Variants in PRR16 observed in about 807,000 individuals in gnomAD.
The protein encoded by PRR16 is proline rich 16.
A neutral mutation model predicts 18.2 loss-of-function variants in PRR16; 6 were observed. The observed-to-expected ratio is 0.33, with a 90% confidence interval of 0.18 to 0.65. The LOEUF is 0.65. Among genes scored for constraint, PRR16 ranks in the 30% least tolerant of loss-of-function variants. The pLI, the probability that PRR16 is intolerant of heterozygous loss-of-function variation, is 0.74. For synonymous variants in PRR16, 151 were observed against 147.8 expected (o/e 1.02, Z -0.16); for missense variants, 412 against 376.6 (o/e 1.09, Z -0.78).
intron 1 of PRR16, among the ~76,000 whole-genome samples, chr5:120,667,371 G>A: frequency 6.6e-6 from 1 of 151,886 alleles, no homozygotes; most frequent in Non-Finnish European, 1.5e-5. Context: ...CTTGCTAGTG[G>A]TCTATCAATT....
rs1028946134 is a variant in PRR16 at position 120,535,475 on chromosome 5, A to C, written c.159+70830A>C. Among the ~76,000 whole-genome samples, 14 of 152,194 alleles carry C rather than the reference A, an allele frequency of 9.2e-5. No individual in the cohort carries two copies. In the East Asian group the frequency reaches 2.7e-3, roughly 29 times the overall value. ...CCATAGAATAATGACTTTCACTTAC[A>C]TATAACAACAACACACTTAACCAAG... On this transcript the variant is annotated intron_variant, in intron 1 of 1. Coordinates refer to ENST00000407149, the MANE Select transcript of PRR16 (RefSeq NM_001300783.2).
intron 1 of PRR16, among the ~76,000 whole-genome samples, chr5:120,612,883 A>C (rs189659149): frequency 1.6e-4 from 24 of 152,296 alleles, no homozygotes; most frequent in Admixed American, 1.4e-3. Context: ...GTATTAATGC[A>C]TGTATTCCCT....
chr5:120,745,685 ATTAT>A, the PRR16 span, among the ~76,000 whole-genome samples: 19 of 150,674 alleles, frequency 1.3e-4, 1 homozygote, highest in South Asian at 2.1e-3. Context: ...TATTTATTTT[ATTAT>A]TTATTTATTT....
intron 1 of PRR16, among the ~76,000 whole-genome samples, chr5:120,572,668 G>A (rs922661807): frequency 2.0e-4 from 31 of 152,222 alleles, no homozygotes; most frequent in African/African-American, 7.2e-4. Flanking sequence ...GTAGGTGGAT[G>A]AGAGATCTAC....
At chr5:120,632,009 C>T (rs1040069051) in intron 1 of PRR16, among the ~76,000 whole-genome samples, 1 of 152,176 alleles carries the variant, frequency 6.6e-6, no homozygotes, top group East Asian at 1.9e-4. Flanking sequence ...TCCACTGGAG[C>T]AGGTGCTGGT....
At chr5:120,600,370 G>T (rs534134133) in intron 1 of PRR16, among the ~76,000 whole-genome samples, 1 of 151,634 alleles carries the variant, frequency 6.6e-6, no homozygotes, top group Admixed American at 6.6e-5. Flanking sequence ...CTTTCTCAAG[G>T]TGTTTTTAGT....
At chr5:120,540,842 A>C (rs1041680276) in intron 1 of PRR16, among the ~76,000 whole-genome samples, 17 of 148,074 alleles carry the variant, frequency 1.1e-4, no homozygotes, top group Non-Finnish European at 1.5e-5. Context: ...TCTTAATATT[A>C]TATACTGCTA....
chr5:120,712,305 GT>G, the PRR16 span, among the ~76,000 whole-genome samples: 1 of 151,962 alleles, frequency 6.6e-6, no homozygotes, highest in Non-Finnish European at 1.5e-5. Context: ...ATTAACTATG[GT>G]TTTCCTATTG....
intron 1 of PRR16, among the ~76,000 whole-genome samples, chr5:120,617,477 G>A (rs1013288995): frequency 4.6e-5 from 7 of 152,014 alleles, no homozygotes; most frequent in African/African-American, 1.7e-4. Context: ...ATAAATTTCA[G>A]CAATGTTTTA....
At chr5:120,480,284 A>G (rs377401128) in intron 1 of PRR16, among the ~76,000 whole-genome samples, 82 of 152,292 alleles carry the variant, frequency 5.4e-4, no homozygotes, top group African/African-American at 1.8e-3. Context: ...AGAGTTTAAC[A>G]TCTGCTTCCT....
At chr5:120,784,808 T>A in the PRR16 span, among the ~76,000 whole-genome samples, 1 of 152,190 alleles carries the variant, frequency 6.6e-6, no homozygotes, top group Non-Finnish European at 1.5e-5. Flanking sequence ...AGAATGACAT[T>A]GAACATCTTA....
chr5:120,715,924 A>G, the PRR16 span, among the ~76,000 whole-genome samples: 1 of 152,110 alleles, frequency 6.6e-6, no homozygotes, highest in South Asian at 2.1e-4. Flanking sequence ...CTTGCTGTGC[A>G]CTAGAAAAAT....
At chr5:120,560,920 G>A (rs901632128) in intron 1 of PRR16, among the ~76,000 whole-genome samples, 1 of 151,940 alleles carries the variant, frequency 6.6e-6, no homozygotes, top group African/African-American at 2.4e-5. Flanking sequence ...GCATATAGTT[G>A]TACATAGTAG....
At chr5:120,623,914 A>AATATATATTATT (rs1754777244) in intron 1 of PRR16, among the ~76,000 whole-genome samples, 1 of 151,916 alleles carries the variant, frequency 6.6e-6, no homozygotes. Context: ...AATATATAAT[A>AATATATATTATT]ATATATTATT....
At chr5:120,754,494 G>GTAGTATA in the PRR16 span, among the ~76,000 whole-genome samples, 10 of 63,052 alleles carry the variant, frequency 1.6e-4, no homozygotes, top group African/African-American at 7.2e-4. Flanking sequence ...TATATAGTAT[G>GTAGTATA]TATTTTATTA....
At chr5:120,492,419 A>T (rs947532293) in intron 1 of PRR16, among the ~76,000 whole-genome samples, 12 of 151,976 alleles carry the variant, frequency 7.9e-5, no homozygotes, top group African/African-American at 2.9e-4. Flanking sequence ...CATTTAATTC[A>T]TATGTGGAAA....
chr5:120,761,763 T>C, the PRR16 span, among the ~76,000 whole-genome samples: 23 of 152,106 alleles, frequency 1.5e-4, no homozygotes, highest in Non-Finnish European at 1.2e-4. Context: ...ACACAATATA[T>C]TGTTGTTAAC....
chr5:120,528,097 C>T (rs1231149437), intron 1 of PRR16, among the ~76,000 whole-genome samples: 1 of 152,098 alleles, frequency 6.6e-6, no homozygotes, highest in Non-Finnish European at 1.5e-5. Flanking sequence ...TATTCTCCTG[C>T]CATGCAATGT....
At chr5:120,735,664 T>TTGG in the PRR16 span, among the ~76,000 whole-genome samples, 2 of 1,810 alleles carry the variant, frequency 1.1e-3, no homozygotes, top group African/African-American at 1.2e-3. Flanking sequence ...ACTCATATTT[T>TTGG]TGTTGTTGTT....
Sources: allele counts gnomAD v4.1 joint callset (sites outside exome capture counted in the v4.1 genomes callset), GRCh38; gene constraint gnomAD v4.1.1; transcripts MANE v1.5; gene names NCBI Gene and HGNC (gene_info 2026-07-23, HGNC 2026-07-21).